LRBA: variants seen among roughly 807,000 people sequenced by gnomAD.
The protein encoded by LRBA is LPS responsive beige-like anchor protein, also known as lipopolysaccharide-responsive and beige-like anchor protein.
A neutral mutation model predicts 330.0 loss-of-function variants in LRBA; 176 were observed. The observed-to-expected ratio is 0.53, with a 90% CI of 0.47 to 0.60. The LOEUF (loss-of-function observed/expected upper bound fraction) is 0.60, where lower values mean the gene tolerates loss of function less well. Ranked by LOEUF, LRBA falls within the 20% of genes least tolerant of loss-of-function variation. The pLI, the probability that LRBA is intolerant of heterozygous loss-of-function variation, is 0.00. For synonymous variants in LRBA, 1,230 were observed against 1,193.0 expected (o/e 1.03, Z -0.64); for missense variants, 3,259 against 3,444.8 (o/e 0.95, Z 1.35).
chr4:150,646,484 G>C (rs369004376), intron 37 of LRBA, among the ~76,000 whole-genome samples: 2 of 151,926 alleles, frequency 1.3e-5, no homozygotes, highest in Middle Eastern at 3.2e-3. Flanking sequence ...GCCAATAGGC[G>C]GTTTTTGAAA....
At chr4:150,793,539 C>G (rs1287563119) in intron 34 of LRBA, among the ~76,000 whole-genome samples, 2 of 152,018 alleles carry the variant, frequency 1.3e-5, no homozygotes, top group African/African-American at 4.8e-5. Context: ...ATTGATTTAT[C>G]AATTATACAA....
intron 2 of LRBA, among the ~76,000 whole-genome samples, chr4:150,988,297 C>G (rs1158114957): frequency 6.6e-6 from 1 of 152,104 alleles, no homozygotes; most frequent in African/African-American, 2.4e-5. Context: ...TTCAACACAC[C>G]ATGGATATTA....
At chr4:150,472,086 T>C (rs568754597) in intron 42 of LRBA, among the ~76,000 whole-genome samples, 2 of 152,158 alleles carry the variant, frequency 1.3e-5, no homozygotes, top group African/African-American at 4.8e-5. Flanking sequence ...CATATAAAAT[T>C]CTATTCACAT....
chr4:150,392,209 A>G (rs1426648451), intron 47 of LRBA, among the ~76,000 whole-genome samples: 1 of 152,134 alleles, frequency 6.6e-6, no homozygotes, highest in Non-Finnish European at 1.5e-5. Context: ...GATAACAAAT[A>G]TCATAAACTG....
chr4:150,337,252 G>T (rs1240879213), intron 48 of LRBA, among the ~76,000 whole-genome samples: 1 of 152,094 alleles, frequency 6.6e-6, no homozygotes, highest in Non-Finnish European at 1.5e-5. Context: ...AAGGAAACAG[G>T]GGTTCATGAC....
At chr4:151,013,492 C>T (rs1046745610) in intron 2 of LRBA, 6 of 152,134 alleles carry the variant, frequency 3.9e-5, no homozygotes, top group African/African-American at 1.4e-4. Flanking sequence ...CAGAGTGAGA[C>T]CTCATCTCTA....
At chr4:150,604,914 A>G (rs1314275845) in intron 37 of LRBA, among the ~76,000 whole-genome samples, 4 of 152,214 alleles carry the variant, frequency 2.6e-5, no homozygotes, top group Admixed American at 2.0e-4. Flanking sequence ...TTCAGACACT[A>G]TCAGTGGCAG....
At chr4:150,967,877 C>T (rs1739082804) in intron 2 of LRBA, among the ~76,000 whole-genome samples, 1 of 152,068 alleles carries the variant, frequency 6.6e-6, no homozygotes, top group African/African-American at 2.4e-5. Context: ...TACCAAGAGA[C>T]TATTCCCCCA....
At position 150,627,021 on chromosome 4, in the gene LRBA, G is replaced by C. The variant is rs942647798; in HGVS notation, c.5922-27890C>G. On this transcript the variant is annotated intron_variant, in intron 37 of 56. Transcript: ENST00000651943. ...TTCATTTATCAGAACATATTGGCAA[G>C]GGCAAATTTTTCAGTCATATAGTTT... is the stretch of plus-strand genomic sequence containing the variant. 4.6e-5 allele frequency among the ~76,000 whole-genome samples: 7 copies of C among 151,904 alleles called. 1 individual carries two copies. The highest frequency in any genetic ancestry group is 4.6e-4 in the Admixed American group (7 of 15,242).
intron 40 of LRBA, among the ~76,000 whole-genome samples, chr4:150,574,422 T>C (rs2152288257): frequency 6.6e-6 from 1 of 152,154 alleles, no homozygotes; most frequent in East Asian, 1.9e-4. Flanking sequence ...TGGAAAATTT[T>C]AGACTTTTTT....
At chr4:150,979,253 C>T (rs893706675) in intron 2 of LRBA, among the ~76,000 whole-genome samples, 19 of 151,916 alleles carry the variant, frequency 1.3e-4, no homozygotes, top group East Asian at 9.7e-4. Context: ...AAGGTGCAGA[C>T]GGAAAAAAAC....
At chr4:150,503,684 C>A (rs1760622126) in intron 40 of LRBA, among the ~76,000 whole-genome samples, 1 of 152,140 alleles carries the variant, frequency 6.6e-6, no homozygotes, top group Non-Finnish European at 1.5e-5. Context: ...AATCAGAGCA[C>A]CTCTCCTCCT....
At chr4:150,744,085 A>C (rs1376211972) in intron 35 of LRBA, among the ~76,000 whole-genome samples, 1 of 152,106 alleles carries the variant, frequency 6.6e-6, no homozygotes, top group Non-Finnish European at 1.5e-5. Flanking sequence ...AATGCTATTA[A>C]ACAGTACTCA....
intron 35 of LRBA, among the ~76,000 whole-genome samples, chr4:150,735,727 A>G (rs1731097483): frequency 6.6e-6 from 1 of 152,216 alleles, no homozygotes; most frequent in Admixed American, 6.5e-5. Flanking sequence ...GTGACTTTTT[A>G]CATTAAGGCA....
At chr4:150,269,358 AGG>A (rs767256492) in intron 56 of LRBA, among the ~76,000 whole-genome samples, 2 of 152,238 alleles carry the variant, frequency 1.3e-5, no homozygotes, top group Non-Finnish European at 2.9e-5. Context: ...GTGCTCAAAT[AGG>A]GTGCCAAGAC....
chr4:150,741,812 T>C (rs1732016764), intron 35 of LRBA, among the ~76,000 whole-genome samples: 1 of 152,108 alleles, frequency 6.6e-6, no homozygotes, highest in Non-Finnish European at 1.5e-5. Flanking sequence ...TAAAAATTTT[T>C]AAAAACAAAA....
At chr4:150,815,692 TTAAA>T (rs777024942) in intron 31 of LRBA, among the ~76,000 whole-genome samples, 8 of 152,058 alleles carry the variant, frequency 5.3e-5, no homozygotes, top group Non-Finnish European at 1.2e-4. Context: ...AGACTATTAA[TTAAA>T]TGTTAGAAAT....
At chr4:150,563,714 A>C (rs963821755) in intron 40 of LRBA, among the ~76,000 whole-genome samples, 10 of 152,222 alleles carry the variant, frequency 6.6e-5, no homozygotes, top group Admixed American at 2.0e-4. Flanking sequence ...ATGTGCAAAA[A>C]TCACAAGAAT....
At chr4:150,617,173 C>T (rs1235473286) in intron 37 of LRBA, among the ~76,000 whole-genome samples, 2 of 152,104 alleles carry the variant, frequency 1.3e-5, no homozygotes, top group African/African-American at 4.8e-5. Flanking sequence ...TGAAATAGCT[C>T]TAACAAGCAG....
Sources: allele counts gnomAD v4.1 joint callset (sites outside exome capture counted in the v4.1 genomes callset), GRCh38; gene constraint gnomAD v4.1.1; transcripts MANE v1.5; gene names NCBI Gene and HGNC (gene_info 2026-07-23, HGNC 2026-07-21).